The following SLC4A4 variants were observed in gnomAD, a reference collection of about 807,000 sequenced individuals.
The protein encoded by SLC4A4 is solute carrier family 4 member 4, also known as electrogenic sodium bicarbonate cotransporter 1.
Under a neutral mutation model 111.5 loss-of-function variants are expected in SLC4A4, and 27 were observed. The ratio of observed to expected loss-of-function variants is 0.24; its 90% confidence interval spans 0.18 to 0.33. SLC4A4 has a LOEUF of 0.33. Ranked by LOEUF, SLC4A4 falls within the 10% of genes least tolerant of loss-of-function variation. The pLI is 1.00. For missense variants in SLC4A4, 909 were observed against 1,315.5 expected, an observed-to-expected ratio of 0.69 and a Z score of 4.78; for synonymous variants, 443 against 463.4, an observed-to-expected ratio of 0.96 and a Z score of 0.57.
rs143590284 is a variant in SLC4A4, at chr4:71,109,514, G to T, written c.-2+16722G>T. Among the ~76,000 whole-genome samples the T allele has an allele frequency of 1.3e-4, 20 of 152,000 alleles. No individual in the cohort carries two copies. In the East Asian group the frequency reaches 3.7e-3, roughly 28 times the overall value. The stretch of plus-strand genomic sequence containing the variant: ...GGAGCTCAGGTCCCTGATATTTGGA[G>T]GACAGGGTCCTTTATTTTTATTTTT... On this transcript the variant is annotated intron_variant, in intron 2 of 26. Transcript: ENST00000649996.
At chr4:71,162,603 C>T (rs531918618) in intron 2 of SLC4A4, among the ~76,000 whole-genome samples, 41 of 152,164 alleles carry the variant, frequency 2.7e-4, no homozygotes, top group African/African-American at 9.6e-4. Context: ...GGGTGTGAAC[C>T]ACTAATGAAT....
intron 6 of SLC4A4, among the ~76,000 whole-genome samples, chr4:71,392,751 T>C (rs914646411): frequency 5.3e-5 from 8 of 151,936 alleles, no homozygotes; most frequent in African/African-American, 1.9e-4. Context: ...TGAACATAGA[T>C]GCCAAAATCC....
intron 2 of SLC4A4, among the ~76,000 whole-genome samples, chr4:71,251,808 G>A (rs1054606378): frequency 6.6e-6 from 1 of 151,954 alleles, no homozygotes; most frequent in Non-Finnish European, 1.5e-5. Flanking sequence ...CATTATCTTT[G>A]GAAGCAGTAT....
chr4:71,390,371 T>C (rs1196526257), intron 6 of SLC4A4, among the ~76,000 whole-genome samples: 1 of 152,232 alleles, frequency 6.6e-6, no homozygotes, highest in Non-Finnish European at 1.5e-5. Context: ...AGGCTGTATG[T>C]ATATTGTGGA....
chr4:71,473,040 A>G (rs1193656193), intron 14 of SLC4A4, 70 bp downstream of exon 14: 3 of 1,505,620 alleles, frequency 2.0e-6, no homozygotes, highest in Admixed American at 1.7e-5. Flanking sequence ...CATGCTTGCA[A>G]ATTTTCAACA....
chr4:71,319,122 T>G (rs1347272522), intron 3 of SLC4A4, among the ~76,000 whole-genome samples: 2 of 152,060 alleles, frequency 1.3e-5, no homozygotes, highest in African/African-American at 4.8e-5. Context: ...CAATAGGATC[T>G]GTGAATCAAA....
upstream of SLC4A4, among the ~76,000 whole-genome samples, chr4:71,184,556 A>G (rs1745393810): frequency 6.6e-6 from 1 of 152,200 alleles, no homozygotes; most frequent in Admixed American, 6.5e-5. Context: ...AAGTAAACAA[A>G]TCATTATCAG....
At position 71,225,369 on chromosome 4, in the gene SLC4A4, A is replaced by G. The variant is rs1188839555; in HGVS notation, c.-1-11207A>G. On this transcript the variant is annotated intron_variant, in intron 1 of 25. Transcript: ENST00000264485. ...TCCGTTTAAAAAAAAAAAAAAGATAATGAAAGTCCCTAATCTCAGTTCCTA... is the reference window on the plus strand; with the variant it reads ...TCCGTTTAAAAAAAAAAAAAAGATAGTGAAAGTCCCTAATCTCAGTTCCTA... 2.0e-5 allele frequency among the ~76,000 whole-genome samples: 3 copies of G among 152,004 alleles called. No homozygotes were observed. In the East Asian group the frequency reaches 5.8e-4, roughly 29 times the overall value.
chr4:71,565,147 G>A (rs1737348527), intron 24 of SLC4A4, among the ~76,000 whole-genome samples: 1 of 151,758 alleles, frequency 6.6e-6, no homozygotes, highest in Non-Finnish European at 1.5e-5. Context: ...CTCTACTTGG[G>A]GTACGCCCTA....
intron 3 of SLC4A4, among the ~76,000 whole-genome samples, chr4:71,267,807 A>G (rs1237971417): frequency 4.7e-4 from 58 of 124,142 alleles, no homozygotes; most frequent in East Asian, 1.7e-3. Context: ...AAAAAAAAAA[A>G]AAAAAAAAAA....
At chr4:71,211,846 A>G (rs1044017246) in intron 1 of SLC4A4, among the ~76,000 whole-genome samples, 1 of 150,226 alleles carries the variant, frequency 6.7e-6, no homozygotes. Flanking sequence ...CATGGTGATG[A>G]CTGTCAGGCC....
intron 1 of SLC4A4, among the ~76,000 whole-genome samples, chr4:71,068,690 T>G (rs571378418): frequency 1.2e-4 from 18 of 152,202 alleles, no homozygotes; most frequent in Admixed American, 4.6e-4. Flanking sequence ...GCCTCCCAAG[T>G]AGCTGAGACT....
chr4:71,557,464 A>G (rs1232445105), intron 21 of SLC4A4, among the ~76,000 whole-genome samples: 2 of 151,730 alleles, frequency 1.3e-5, no homozygotes, highest in Non-Finnish European at 1.5e-5. Context: ...TTTCTTTGTG[A>G]CCTTATTCTT....
In SLC4A4 at chr4:71,466,520, T is replaced by G. The variant is rs1400192982; in HGVS notation, c.1574T>G (p.Ile525Ser). Reference protein sequence around the residue: ...FCLFAGQPLTILSSTGPVLVF... With the variant: ...FCLFAGQPLTSLSSTGPVLVF... ...CTTTTTGCTGGTCAACCACTCACTA[T>G]TCTGAGCAGCACCGGACCTGTCCTA... Residue 525 changes from isoleucine to serine, a missense_variant, in exon 13 of 26, where the codon ATT becomes AGT. By Grantham distance (142) the Ile-to-Ser change is moderately radical. Coordinates refer to ENST00000264485, the MANE Select transcript of SLC4A4 (RefSeq NM_001098484.3). The G allele has an allele frequency of 6.2e-7, 1 of 1,613,626 alleles. No homozygotes were observed. The highest frequency in any genetic ancestry group is 1.7e-5 in the Admixed American group (1 of 59,958).
rs1331027099 is a variant in SLC4A4, at chr4:71,173,034, TTAA to T, written c.-1-63540_-1-63538del. Among the ~76,000 whole-genome samples, 5 of 152,216 alleles carry T rather than the reference TTAA, an allele frequency of 3.3e-5. 1 individual carries two copies. The highest frequency in any genetic ancestry group is 7.3e-5 in the Non-Finnish European group (5 of 68,036). On this transcript the variant is annotated intron_variant, in intron 2 of 26. Transcript: ENST00000649996. ...GGTGTTACCAGTGCATGGGAAATTATTAATGACTTTCAAAACTATATGTTGTAT... is the reference window on the plus strand; with the variant it reads ...GGTGTTACCAGTGCATGGGAAATTATTGACTTTCAAAACTATATGTTGTAT...
intron 1 of SLC4A4, among the ~76,000 whole-genome samples, chr4:71,208,409 C>T (rs991358233): frequency 2.8e-5 from 4 of 143,350 alleles, no homozygotes; most frequent in African/African-American, 8.0e-5. Flanking sequence ...CCAGCCTGGG[C>T]GACAGGGTGA....
intron 6 of SLC4A4, among the ~76,000 whole-genome samples, chr4:71,363,588 C>T (rs1053322255): frequency 5.3e-5 from 8 of 152,086 alleles, no homozygotes; most frequent in Non-Finnish European, 8.8e-5. Flanking sequence ...CTTCTGAAGC[C>T]GGCCATCATG....
At chr4:71,395,947 CAGTT>C (rs1352346224) in intron 6 of SLC4A4, among the ~76,000 whole-genome samples, 1 of 152,146 alleles carries the variant, frequency 6.6e-6, no homozygotes, top group Non-Finnish European at 1.5e-5. Context: ...AACTTTTACT[CAGTT>C]AGTCCAAATA....
intron 2 of SLC4A4, among the ~76,000 whole-genome samples, chr4:71,162,034 C>T (rs1458122306): frequency 1.3e-5 from 2 of 152,132 alleles, no homozygotes; most frequent in East Asian, 3.9e-4. Flanking sequence ...TATTCTAGTG[C>T]TTATTTTCAT....
Sources: gnomAD v4.1 joint callset for allele counts (sites outside exome capture counted in the v4.1 genomes callset) on GRCh38, gnomAD v4.1.1 for gene constraint, MANE v1.5 for transcripts, NCBI Gene and HGNC (gene_info 2026-07-23, HGNC 2026-07-21) for gene names.